The following TMEM266 variants were observed in gnomAD, a reference collection of about 807,000 sequenced individuals.
The protein encoded by TMEM266 is Hv1 related protein 1.
Under a neutral mutation model 50.5 loss-of-function variants are expected in TMEM266, and 33 were observed. The ratio of observed to expected loss-of-function variants is 0.65; its 90% CI spans 0.50 to 0.87. TMEM266 has a LOEUF of 0.87. Ranked by LOEUF, TMEM266 falls within the 40% of genes least tolerant of loss-of-function variation. TMEM266 has a pLI of 0.00. For synonymous variants in TMEM266, 310 were observed against 292.3 expected, an observed-to-expected ratio of 1.06 and a Z score of -0.62; for missense variants, 655 against 695.1, an observed-to-expected ratio of 0.94 and a Z score of 0.65.
intron 9 of TMEM266, among the ~76,000 whole-genome samples, chr15:76,194,462 T>A (rs879589173): frequency 1.1e-4 from 16 of 152,236 alleles, no homozygotes; most frequent in Admixed American, 3.9e-4. Context: ...GTTCCCTGTG[T>A]CCCTCAGGAG....
At chr15:76,063,025 T>C (rs989508199) in intron 1 of TMEM266, among the ~76,000 whole-genome samples, 1 of 152,226 alleles carries the variant, frequency 6.6e-6, no homozygotes, top group East Asian at 1.9e-4. Context: ...GTAAGCTACT[T>C]CATTATGAAA....
chr15:76,143,533 T>A (rs1043505934), intron 3 of TMEM266, among the ~76,000 whole-genome samples: 2 of 152,224 alleles, frequency 1.3e-5, no homozygotes, highest in African/African-American at 2.4e-5. Context: ...ATTTAATTTT[T>A]AAAATAGAGA....
chr15:76,121,563 C>A (rs2037346580), intron 1 of TMEM266, among the ~76,000 whole-genome samples: 1 of 152,144 alleles, frequency 6.6e-6, no homozygotes, highest in African/African-American at 2.4e-5. Flanking sequence ...ACTACAGGCA[C>A]TCACCACCAT....
intron 10 of TMEM266, 82 bp from the exon 11 acceptor site, chr15:76,203,659 G>A (rs1338471163): frequency 3.0e-6 from 4 of 1,354,212 alleles, no homozygotes; most frequent in African/African-American, 1.4e-5. Flanking sequence ...ATTGCCCACC[G>A]CCCGGCTCAG....
Position 76,161,462 on chromosome 15 carries a change from G to GCT in TMEM266, c.456+1312_456+1313dup, listed in dbSNP as rs374927714. 0.28 allele frequency among the ~76,000 whole-genome samples: 42,030 copies of GCT among 150,174 alleles called. 6,138 individuals carry two copies. Among genetic ancestry groups the GCT allele is most frequent in the African/African-American group, 0.33 (13,518 of 40,886 alleles). On this transcript the variant is annotated intron_variant, in intron 5 of 10. Transcript: ENST00000388942. This position sits in a 1 kb window ranked among gnomAD's most constrained non-coding sequence, Gnocchi z 4.1. The stretch of plus-strand genomic sequence containing the variant: ...CCCCTCTGGCCTAGCTAATGGCTCT[G>GCT]CTCTCTCTCTCTCTCTCTCCCTAAA...
chr15:76,151,949 C>T (rs1434985627), intron 3 of TMEM266, among the ~76,000 whole-genome samples: 1 of 152,138 alleles, frequency 6.6e-6, no homozygotes, highest in African/African-American at 2.4e-5. Context: ...AGGCCTGGGT[C>T]CTCCCGCAGA....
intron 3 of TMEM266, among the ~76,000 whole-genome samples, chr15:76,138,997 G>C (rs2037634482): frequency 6.6e-6 from 1 of 152,186 alleles, no homozygotes; most frequent in Non-Finnish European, 1.5e-5. Flanking sequence ...TCAGACTTCC[G>C]ACTCTGACAA....
intron 1 of TMEM266, among the ~76,000 whole-genome samples, chr15:76,084,013 G>A (rs906591877): frequency 6.6e-6 from 1 of 152,136 alleles, no homozygotes; most frequent in African/African-American, 2.4e-5. Flanking sequence ...GTAACACTCC[G>A]AAAAGATGAG....
In TMEM266 at chr15:76,103,834, T is replaced by C. The variant is rs184849803; in HGVS notation, c.-96-30334T>C. On this transcript the variant is annotated intron_variant, in intron 1 of 10. Coordinates refer to ENST00000388942, the MANE Select transcript of TMEM266 (RefSeq NM_152335.3). ...GGCTGAGGCAGGAGAATCAGTTGAA[T>C]CTGGGAGGTGGAGGTTGCAGTGAGT... Among the ~76,000 whole-genome samples, 4 of 144,398 alleles carry C rather than the reference T, an allele frequency of 2.8e-5. No individual in the cohort carries two copies. In the East Asian group the frequency reaches 6.2e-4, roughly 22 times the overall value. The allele number at this position is 144,398 out of a possible 152,430, so 94.7% of individuals were successfully genotyped here.
intron 1 of TMEM266, among the ~76,000 whole-genome samples, chr15:76,067,502 G>A (rs1199827986): frequency 1.3e-5 from 2 of 151,970 alleles, no homozygotes; most frequent in Non-Finnish European, 2.9e-5. Flanking sequence ...AAATTAACTG[G>A]TGTGGTGGCA....
At chr15:76,190,505 G>GGGACA (rs1327465146) in intron 8 of TMEM266, among the ~76,000 whole-genome samples, 3 of 152,104 alleles carry the variant, frequency 2.0e-5, no homozygotes, top group Admixed American at 2.0e-4. Context: ...TGATGGCAGA[G>GGGACA]GGACACAGAA....
At chr15:76,145,263 CA>C (rs552965554) in intron 3 of TMEM266, among the ~76,000 whole-genome samples, 135 of 152,286 alleles carry the variant, frequency 8.9e-4, no homozygotes, top group African/African-American at 2.9e-3. Flanking sequence ...CCATTACTAC[CA>C]AAATGAGCCA....
chr15:76,133,600 A>G (rs543059206), intron 1 of TMEM266, among the ~76,000 whole-genome samples: 4 of 152,242 alleles, frequency 2.6e-5, no homozygotes, highest in South Asian at 2.1e-4. Context: ...ATGGGGGTGT[A>G]AGTAGCTCAC....
chr15:76,195,658 G>A (rs1325818734), intron 9 of TMEM266, among the ~76,000 whole-genome samples: 1 of 152,216 alleles, frequency 6.6e-6, no homozygotes, highest in Non-Finnish European at 1.5e-5. Flanking sequence ...TGGGGCTTGG[G>A]CCTGCCCCGT....
intron 1 of TMEM266, among the ~76,000 whole-genome samples, chr15:76,097,811 T>G (rs1321729073): frequency 6.6e-6 from 1 of 152,030 alleles, no homozygotes; most frequent in Non-Finnish European, 1.5e-5. Flanking sequence ...CTTTTTATTC[T>G]TTTTTCTCTA....
chr15:76,190,742 G>A (rs1037183283), intron 8 of TMEM266, among the ~76,000 whole-genome samples: 1 of 152,224 alleles, frequency 6.6e-6, no homozygotes, highest in African/African-American at 2.4e-5. Flanking sequence ...TCCTGTGAAA[G>A]TGATACTGTC....
At chr15:76,143,014 C>A (rs1184804662) in intron 3 of TMEM266, among the ~76,000 whole-genome samples, 1 of 152,174 alleles carries the variant, frequency 6.6e-6, no homozygotes, top group African/African-American at 2.4e-5. Flanking sequence ...CTCTTTCTTG[C>A]CCTCAGCAGA....
intron 3 of TMEM266, among the ~76,000 whole-genome samples, chr15:76,146,849 C>G (rs56036713): frequency 0.13 from 20,094 of 152,258 alleles, 1,445 homozygotes; most frequent in Middle Eastern, 0.18. Flanking sequence ...AGCACCTTTC[C>G]TACCTCCATC....
chr15:76,129,536 G>A (rs529072568), intron 1 of TMEM266, among the ~76,000 whole-genome samples: 212 of 152,262 alleles, frequency 1.4e-3, no homozygotes, highest in African/African-American at 4.8e-3. Flanking sequence ...AGCTACTCAG[G>A]AGGCTGAGGC....
Sources: gnomAD v4.1 joint callset for allele counts (sites outside exome capture counted in the v4.1 genomes callset) on GRCh38, gnomAD v4.1.1 for gene constraint, Gnocchi (gnomAD v3.1) non-coding constraint, MANE v1.5 for transcripts, NCBI Gene and HGNC (gene_info 2026-07-23, HGNC 2026-07-21) for gene names.